CSGALNACT1: variants seen among roughly 807,000 people sequenced by gnomAD.
CSGALNACT1 encodes chondroitin sulfate N-acetylgalactosaminyltransferase 1, also known as beta4GalNAcT-1.
CSGALNACT1 carries 52 observed loss-of-function variants against 51.0 expected under a neutral mutation model. That is an observed-to-expected ratio of 1.02 (90% CI 0.82 to 1.29). The LOEUF is 1.29. Among genes scored for constraint, CSGALNACT1 ranks in the 50% most tolerant of loss-of-function variants. The pLI is 0.00. For missense variants in CSGALNACT1, 935 were observed against 679.2 expected, an observed-to-expected ratio of 1.38 and a Z score of -4.19; for synonymous variants, 341 against 254.4, an observed-to-expected ratio of 1.34 and a Z score of -3.24.
chr8:19,656,976 G>A (rs2058335592), intron 1 of CSGALNACT1, among the ~76,000 whole-genome samples: 2 of 150,522 alleles, frequency 1.3e-5, no homozygotes, highest in South Asian at 2.1e-4. Context: ...TGAGGCAGGA[G>A]AATCACCTCC....
intron 1 of CSGALNACT1, among the ~76,000 whole-genome samples, chr8:19,649,186 A>T (rs1266958267): frequency 6.6e-6 from 1 of 152,196 alleles, no homozygotes; most frequent in Admixed American, 6.5e-5. Context: ...AGAAAAATGG[A>T]GGCACAAGGA....
intron 3 of CSGALNACT1, among the ~76,000 whole-genome samples, chr8:19,580,806 C>T (rs1416857834): frequency 6.6e-6 from 1 of 152,048 alleles, no homozygotes; most frequent in East Asian, 1.9e-4. Context: ...GATAGAGAAT[C>T]TTACCAGATA....
chr8:19,483,073 G>A (rs1016525931), intron 4 of CSGALNACT1, among the ~76,000 whole-genome samples: 1 of 152,080 alleles, frequency 6.6e-6, no homozygotes, highest in African/African-American at 2.4e-5. Context: ...AAGCCCCATG[G>A]GTTCTGATCC....
chr8:19,594,302 G>C (rs1299693758), intron 2 of CSGALNACT1, among the ~76,000 whole-genome samples: 1 of 152,174 alleles, frequency 6.6e-6, no homozygotes, highest in Non-Finnish European at 1.5e-5. Flanking sequence ...AGGGAAGTGA[G>C]AGTCTCAAGG....
At chr8:19,664,239 G>C (rs2058998924) in intron 1 of CSGALNACT1, among the ~76,000 whole-genome samples, 1 of 152,166 alleles carries the variant, frequency 6.6e-6, no homozygotes, top group South Asian at 2.1e-4. Flanking sequence ...AGTTTTACAG[G>C]ATTGCAGGAT....
At chr8:19,745,297 T>C (rs955857210) in intron 1 of CSGALNACT1, among the ~76,000 whole-genome samples, 1 of 152,214 alleles carries the variant, frequency 6.6e-6, no homozygotes, top group Non-Finnish European at 1.5e-5. Context: ...TTAGATACAA[T>C]GATACCCATA....
intron 6 of CSGALNACT1, among the ~76,000 whole-genome samples, chr8:19,426,084 A>G (rs867652640): frequency 6.6e-6 from 1 of 151,988 alleles, no homozygotes; most frequent in African/African-American, 2.4e-5. Flanking sequence ...CTTTTTTTCT[A>G]CCTTCAGAGA....
chr8:19,440,679 A>G (rs922650195), intron 5 of CSGALNACT1, among the ~76,000 whole-genome samples: 82 of 152,072 alleles, frequency 5.4e-4, no homozygotes, highest in Non-Finnish European at 8.7e-4. Flanking sequence ...GCCCTCTCTC[A>G]CCACTCCTAT....
intron 1 of CSGALNACT1, among the ~76,000 whole-genome samples, chr8:19,689,582 A>T (rs184994583): frequency 1.3e-5 from 2 of 152,342 alleles, no homozygotes; most frequent in African/African-American, 4.8e-5. Context: ...TTCTGCTTAA[A>T]AATTCTATGA....
chr8:19,435,865 G>A (rs958333757), intron 6 of CSGALNACT1, among the ~76,000 whole-genome samples: 29 of 152,006 alleles, frequency 1.9e-4, no homozygotes, highest in Non-Finnish European at 3.7e-4. Flanking sequence ...AATATATTAC[G>A]CATCCTTATG....
Position 19,530,567 on chromosome 8 carries a change from G to A in CSGALNACT1, c.-296-24437C>T, listed in dbSNP as rs180805874. 9.7e-4 allele frequency among the ~76,000 whole-genome samples: 147 copies of A among 152,168 alleles called. 1 individual carries two copies. The highest frequency in any genetic ancestry group is 1.7e-3 in the Non-Finnish European group (116 of 68,018). Reference sequence around the variant, plus strand: ...AAAATGTAAAACCGATAGCACAGCAGAAAAAAGTAAATTGTTCACCGGGCA... The same window carrying A: ...AAAATGTAAAACCGATAGCACAGCAAAAAAAAGTAAATTGTTCACCGGGCA... On this transcript the variant is annotated intron_variant, in intron 3 of 9. Transcript: ENST00000454498.
chr8:19,449,738 A>G (rs1223622548), intron 5 of CSGALNACT1, among the ~76,000 whole-genome samples: 2 of 152,000 alleles, frequency 1.3e-5, no homozygotes, highest in Admixed American at 1.3e-4. Context: ...GAATATAGCA[A>G]CATGAAAAAG....
At chr8:19,559,338 TAG>T in intron 3 of CSGALNACT1, among the ~76,000 whole-genome samples, 1 of 152,296 alleles carries the variant, frequency 6.6e-6, no homozygotes, top group African/African-American at 2.4e-5. Context: ...TCTTTCCCAT[TAG>T]ATTATCTACC....
At chr8:19,498,816 T>C (rs1350212882) in intron 4 of CSGALNACT1, among the ~76,000 whole-genome samples, 2 of 152,182 alleles carry the variant, frequency 1.3e-5, no homozygotes, top group East Asian at 3.9e-4. Context: ...GATATCTCTA[T>C]TAAGGAAACA....
At chr8:19,703,058 G>A (rs1192354079) in intron 1 of CSGALNACT1, among the ~76,000 whole-genome samples, 1 of 152,188 alleles carries the variant, frequency 6.6e-6, no homozygotes, top group Non-Finnish European at 1.5e-5. Context: ...CCCTATGGAT[G>A]TCTGAGGCAG....
chr8:19,697,717 C>T (rs1048762081), intron 1 of CSGALNACT1, among the ~76,000 whole-genome samples: 1 of 152,026 alleles, frequency 6.6e-6, no homozygotes. Context: ...GCAATGAGTC[C>T]ACTGTGGGAC....
At chr8:19,559,495 GTAAA>G (rs1359678473) in intron 3 of CSGALNACT1, among the ~76,000 whole-genome samples, 1 of 152,124 alleles carries the variant, frequency 6.6e-6, no homozygotes, top group Non-Finnish European at 1.5e-5. Context: ...TAAGGCATAA[GTAAA>G]TAAATGGTAC....
intron 9 of CSGALNACT1, among the ~76,000 whole-genome samples, chr8:19,406,361 G>A (rs577222146): frequency 6.6e-6 from 1 of 151,830 alleles, no homozygotes; most frequent in Non-Finnish European, 1.5e-5. Flanking sequence ...AACAGCCCCA[G>A]CCTCGTGGTT....
intron 3 of CSGALNACT1, among the ~76,000 whole-genome samples, chr8:19,514,390 C>T (rs2079068589): frequency 6.7e-6 from 1 of 148,964 alleles, no homozygotes; most frequent in Non-Finnish European, 1.5e-5. Context: ...CCTCCTCTTT[C>T]CTCAATACTC....
Sources: gnomAD v4.1 joint callset for allele counts (sites outside exome capture counted in the v4.1 genomes callset) on GRCh38, gnomAD v4.1.1 for gene constraint, MANE v1.5 for transcripts, NCBI Gene and HGNC (gene_info 2026-07-23, HGNC 2026-07-21) for gene names.